Variants in ESYT2 observed in about 807,000 individuals in gnomAD.
ESYT2 encodes extended synaptotagmin 2.
Under a neutral mutation model 107.2 loss-of-function variants are expected in ESYT2, and 54 were observed. The observed-to-expected ratio is 0.50, with a 90% CI of 0.40 to 0.63. The LOEUF is 0.63. ESYT2 is among the 30% of genes least tolerant of loss of function. The pLI is 0.00. For missense variants in ESYT2, 1,020 were observed against 1,094.5 expected (o/e 0.93, Z 0.96); for synonymous variants, 491 against 434.1 (o/e 1.13, Z -1.63).
intron 20 of ESYT2, among the ~76,000 whole-genome samples, chr7:158,736,388 G>A (rs1030512260): frequency 2.6e-5 from 4 of 152,210 alleles, no homozygotes; most frequent in African/African-American, 9.7e-5. Context: ...CCAAAACAAG[G>A]GTGGGTTTTG....
intron 19 of ESYT2, among the ~76,000 whole-genome samples, chr7:158,738,344 G>GACACACACAC (rs199580275): frequency 7.6e-6 from 1 of 131,312 alleles, no homozygotes; most frequent in African/African-American, 3.0e-5. Flanking sequence ...CACACACACA[G>GACACACACAC]ACACACACAC....
intron 11 of ESYT2, among the ~76,000 whole-genome samples, chr7:158,761,083 C>T (rs1837943167): frequency 6.6e-6 from 1 of 152,206 alleles, no homozygotes; most frequent in African/African-American, 2.4e-5. Context: ...ACTGTCTCTA[C>T]AGGCATCTCT....
intron 6 of ESYT2, among the ~76,000 whole-genome samples, chr7:158,782,176 T>G (rs948889375): frequency 1.1e-4 from 16 of 149,966 alleles, no homozygotes; most frequent in Non-Finnish European, 1.9e-4. Context: ...CAGTGAGGTG[T>G]GAGTGTGAAA....
chr7:158,801,213 A>G (rs926508901), intron 1 of ESYT2, among the ~76,000 whole-genome samples: 1 of 152,180 alleles, frequency 6.6e-6, no homozygotes, highest in African/African-American at 2.4e-5. Flanking sequence ...CTCTGCCCAA[A>G]TAAGCTTTGA....
At chr7:158,796,781 G>A (rs2788504) in intron 3 of ESYT2, among the ~76,000 whole-genome samples, 119,152 of 151,512 alleles carry the variant, frequency 0.79, 48,169 homozygotes, top group Non-Finnish European at 0.89. Flanking sequence ...AAAAGGCACC[G>A]CGGCGGGAGG....
chr7:158,764,942 G>A (rs1266175398), intron 8 of ESYT2, 89 bp from the exon 9 acceptor site: 2 of 1,319,598 alleles, frequency 1.5e-6, no homozygotes, highest in African/African-American at 3.0e-5. Context: ...CCCGTCTCGA[G>A]AATTGGGAGT....
intron 1 of ESYT2, among the ~76,000 whole-genome samples, chr7:158,813,049 T>C (rs548685328): frequency 1.9e-4 from 29 of 152,330 alleles, no homozygotes; most frequent in Admixed American, 1.7e-3. Context: ...TGGCACTGAA[T>C]TGTGTCCTTT....
chr7:158,828,067 A>T (rs560416032), intron 1 of ESYT2, among the ~76,000 whole-genome samples: 1 of 152,286 alleles, frequency 6.6e-6, no homozygotes, highest in South Asian at 2.1e-4. Context: ...ACACATTCAC[A>T]CTGGATTCAG....
Position 158,731,813 on chromosome 7 carries a change from G to A in ESYT2, c.*2394C>T, listed in dbSNP as rs34291123. 24,495 of 152,596 alleles carry A rather than the reference G, an allele frequency of 0.16. 3,192 individuals are homozygous for A. The highest frequency in any genetic ancestry group is 0.56 in the East Asian group (2,914 of 5,166). The allele number at this position is 152,596 out of a possible 1,614,324, so 9.5% of individuals were successfully genotyped here. On this transcript the variant is annotated 3_prime_UTR_variant, in exon 23 of 23. Transcript: ENST00000275418. ...TGATTATTTAAAACTGAAAATTAACGTTTTGACAACTCAAGAGTGTCTGAC... is the reference window on the plus strand; with the variant it reads ...TGATTATTTAAAACTGAAAATTAACATTTTGACAACTCAAGAGTGTCTGAC...
chr7:158,806,864 A>G (rs1043006803), intron 1 of ESYT2, among the ~76,000 whole-genome samples: 7 of 152,226 alleles, frequency 4.6e-5, no homozygotes, highest in African/African-American at 1.2e-4. Flanking sequence ...TTTAAATCAA[A>G]TGAATATTAA....
At chr7:158,770,740 C>A (rs1248225152) in intron 7 of ESYT2, among the ~76,000 whole-genome samples, 1 of 152,148 alleles carries the variant, frequency 6.6e-6, no homozygotes, top group Non-Finnish European at 1.5e-5. Context: ...TGGTCTCGAT[C>A]TCCTGACCTC....
chr7:158,767,086 A>C (rs1299641047), intron 8 of ESYT2, among the ~76,000 whole-genome samples: 1 of 152,192 alleles, frequency 6.6e-6, no homozygotes, highest in Non-Finnish European at 1.5e-5. Context: ...CAAGTAATAT[A>C]CCCATAAAAG....
Position 158,741,613 on chromosome 7 carries a change from G to A in ESYT2, c.2078C>T (p.Ser693Leu). Residue 693 changes from serine (S) to leucine (L), a missense_variant, in exon 18 of 23, where the codon TCA becomes TTA. Ser to Leu is a moderately radical substitution (Grantham distance 145). Transcript: ENST00000275418. ...GATGCTGGGGGTCGGCTCCTTGACT[G>A]AGATGTGGCCTGGGGAGGCCAGGAG... The part of the protein sequence containing the change: ...SSLLASPGHI[S>L]VKEPTPSIAS... 6.2e-7 allele frequency: 1 copy of A among 1,613,022 alleles called. No homozygotes were observed. Among genetic ancestry groups the A allele is most frequent in the Non-Finnish European group, 8.5e-7 (1 of 1,180,008 alleles).
chr7:158,762,721 A>C (rs775000568), intron 10 of ESYT2, among the ~76,000 whole-genome samples: 11 of 152,234 alleles, frequency 7.2e-5, no homozygotes, highest in Non-Finnish European at 1.0e-4. Context: ...CCATTTTTGC[A>C]ATCTGGAATA....
At chr7:158,739,181 T>A (rs766564956) in intron 18 of ESYT2, 60 bp from the exon 19 acceptor site, 1 of 1,413,200 alleles carries the variant, frequency 7.1e-7, no homozygotes, top group African/African-American at 1.4e-5. Flanking sequence ...TTGTGATTCA[T>A]TGGTCCACTG....
chr7:158,742,758 G>A (rs1299673974), intron 17 of ESYT2, among the ~76,000 whole-genome samples: 2 of 152,194 alleles, frequency 1.3e-5, no homozygotes, highest in African/African-American at 2.4e-5. Flanking sequence ...AGGAAATAAC[G>A]CTGCGGTGAA....
intron 1 of ESYT2, among the ~76,000 whole-genome samples, chr7:158,811,140 C>T (rs1225883224): frequency 6.6e-6 from 1 of 151,790 alleles, no homozygotes; most frequent in East Asian, 1.9e-4. Flanking sequence ...AGCGTGGCAA[C>T]AGAATGACAC....
Position 158,829,368 on chromosome 7 carries a change from C to T in ESYT2, c.51G>A (p.Gly17=), listed in dbSNP as rs979183426. The T allele has an allele frequency of 7.8e-7, 1 of 1,286,554 alleles. No individual in the cohort carries two copies. The highest frequency in any genetic ancestry group is 9.8e-7 in the Non-Finnish European group (1 of 1,024,432). 79.7% of individuals were successfully genotyped at this position (1,286,554 alleles called of 1,614,324 possible). A position where few individuals can be genotyped will look rare whatever the true frequency, so the allele number is the denominator to read the frequency against. Residue 17 remains glycine (G), a synonymous_variant, in exon 1 of 23, where the codon GGG becomes GGA. Coordinates refer to ENST00000275418, the MANE Select transcript of ESYT2 (RefSeq NM_001367773.1). ...CGGGGTTCTCAGGCGCCGCGCGGCC[C>T]CCAGCCCCGCCGGCGCCCGCCTCCG... ...EGPEAGAGGA[G]GRAAPENPGG... is the part of the protein sequence containing the mutation.
At chr7:158,765,887 C>T (rs1838144540) in intron 8 of ESYT2, among the ~76,000 whole-genome samples, 1 of 152,062 alleles carries the variant, frequency 6.6e-6, no homozygotes, top group Non-Finnish European at 1.5e-5. Flanking sequence ...ATTCTGCCCC[C>T]ACACATCCTT....
Sources: gnomAD v4.1 joint callset for allele counts (sites outside exome capture counted in the v4.1 genomes callset) on GRCh38, gnomAD v4.1.1 for gene constraint, MANE v1.5 for transcripts, NCBI Gene and HGNC (gene_info 2026-07-23, HGNC 2026-07-21) for gene names.